GPR19: variants seen among roughly 807,000 people sequenced by gnomAD.
GPR19 encodes the protein probable G protein-coupled receptor 19.
GPR19 carries 14 observed loss-of-function variants against 28.5 expected under a neutral mutation model. That is an observed-to-expected ratio of 0.49 (90% CI 0.32 to 0.77). GPR19 has a LOEUF of 0.77. Among genes scored for constraint, GPR19 ranks in the 30% least tolerant of loss-of-function variants. The pLI, the probability that GPR19 is intolerant of heterozygous loss-of-function variation, is 0.03. For missense variants in GPR19, 409 were observed against 504.1 expected (o/e 0.81, Z 1.81); for synonymous variants, 173 against 184.1 (o/e 0.94, Z 0.49).
chr12:12,664,919 C>CAAAAAAAAAAAAAAA (rs746346681), intron 3 of GPR19, among the ~76,000 whole-genome samples: 8 of 31,110 alleles, frequency 2.6e-4, no homozygotes, highest in African/African-American at 7.5e-4. Flanking sequence ...GACGCCATCT[C>CAAAAAAAAAAAAAAA]AAAAAAAAAA....
chr12:12,669,893 G>A (rs1945833358), intron 3 of GPR19, among the ~76,000 whole-genome samples: 2 of 152,168 alleles, frequency 1.3e-5, no homozygotes, highest in Admixed American at 1.3e-4. Context: ...TCTGGTGTAT[G>A]TGTGCTTGTG....
intron 3 of GPR19, among the ~76,000 whole-genome samples, chr12:12,681,494 C>T (rs568756871): frequency 5.9e-5 from 9 of 152,314 alleles, no homozygotes; most frequent in Admixed American, 2.6e-4. Flanking sequence ...GAGTAGGTTG[C>T]CCCCTTTTAG....
intron 3 of GPR19, among the ~76,000 whole-genome samples, chr12:12,664,803 C>A (rs1163965429): frequency 4.0e-5 from 6 of 151,624 alleles, no homozygotes; most frequent in Non-Finnish European, 2.9e-5. Flanking sequence ...GCCTGTGGTC[C>A]CAGCTACTCG....
chr12:12,683,198 C>A (rs1234539986), intron 3 of GPR19, among the ~76,000 whole-genome samples: 1 of 152,116 alleles, frequency 6.6e-6, no homozygotes, highest in Non-Finnish European at 1.5e-5. Flanking sequence ...CTACAGAGAT[C>A]TATACAGCAC....
chr12:12,703,540 G>C, the GPR19 span: 39,726 of 347,526 alleles, frequency 0.11, 2,718 homozygotes, highest in Admixed American at 0.23. Context: ...AGCACATAGT[G>C]ATTCTGCTGG....
At chr12:12,698,754 G>A (rs547713140), upstream of GPR19, among the ~76,000 whole-genome samples, 7 of 152,110 alleles carry the variant, frequency 4.6e-5, no homozygotes, top group South Asian at 1.5e-3. Flanking sequence ...GGGATTACAG[G>A]TGCGTGCCAC....
chr12:12,717,038 G>T, the GPR19 span: 821,304 of 1,004,202 alleles, frequency 0.82, 338,726 homozygotes, highest in East Asian at 0.94. Context: ...TAGGCGCCGC[G>T]GCGAACCCGC....
intron 2 of GPR19, chr12:12,685,114 T>C (rs1442834693): frequency 6.6e-6 from 1 of 152,212 alleles, no homozygotes; most frequent in African/African-American, 2.4e-5. Context: ...AACCACACCA[T>C]ATGTTTAGGG....
chr12:12,661,094 A>C lies in GPR19; in HGVS notation c.*107T>G. 1.3e-6 allele frequency: 1 copy of C among 774,868 alleles called. No homozygotes were observed. The highest frequency in any genetic ancestry group is 2.0e-6 in the Non-Finnish European group (1 of 503,280). 48.0% of individuals were successfully genotyped at this position (774,868 alleles called of 1,614,324 possible). A position where few individuals can be genotyped will look rare whatever the true frequency, so the allele number is the denominator to read the frequency against. ...ACAAATGAATGCATTTTACAAAATA[A>C]AACATTTCCCTTGGAAAGTTGAGTG... On this transcript the variant is annotated 3_prime_UTR_variant, in exon 4 of 4. Coordinates refer to ENST00000651487, the MANE Select transcript of GPR19 (RefSeq NM_006143.3). This position sits in a 1 kb window ranked among gnomAD's most constrained non-coding sequence, Gnocchi z 4.2.
chr12:12,687,503 G>T (rs533050170), intron 2 of GPR19, among the ~76,000 whole-genome samples: 1 of 152,166 alleles, frequency 6.6e-6, no homozygotes, highest in African/African-American at 2.4e-5. Flanking sequence ...TGGTGCAGTC[G>T]AGATGTCATG....
chr12:12,708,482 A>G, the GPR19 span, among the ~76,000 whole-genome samples: 2 of 152,138 alleles, frequency 1.3e-5, no homozygotes, highest in East Asian at 1.9e-4. Context: ...TGTTTTGTGA[A>G]TAGTGCATTC....
upstream of GPR19, among the ~76,000 whole-genome samples, chr12:12,700,918 TC>T (rs1946319351): frequency 6.6e-6 from 1 of 152,230 alleles, no homozygotes. Flanking sequence ...AAAATGTGGC[TC>T]CCAGAAAACC....
chr12:12,702,259 A>G, the GPR19 span, among the ~76,000 whole-genome samples: 2 of 151,420 alleles, frequency 1.3e-5, no homozygotes, highest in African/African-American at 4.8e-5. Flanking sequence ...AGAATAGAAT[A>G]GAATAAATAA....
At chr12:12,685,987 A>T (rs1946092428) in intron 2 of GPR19, among the ~76,000 whole-genome samples, 1 of 152,210 alleles carries the variant, frequency 6.6e-6, no homozygotes, top group African/African-American at 2.4e-5. Context: ...ACAATTTTTT[A>T]AATGTGAGTT....
At chr12:12,716,811 A>AC in the GPR19 span, 1 of 985,074 alleles carries the variant, frequency 1.0e-6, no homozygotes, top group Non-Finnish European at 1.2e-6. Flanking sequence ...CACTGCCTCC[A>AC]CCAGCCCCCA....
At chr12:12,705,113 A>ATT in the GPR19 span, among the ~76,000 whole-genome samples, 1 of 84,440 alleles carries the variant, frequency 1.2e-5, no homozygotes. Context: ...ATAGAAATGC[A>ATT]TCTTTTTTTT....
the GPR19 span, among the ~76,000 whole-genome samples, chr12:12,703,647 T>C: frequency 6.6e-6 from 1 of 151,412 alleles, no homozygotes; most frequent in East Asian, 1.9e-4. Context: ...GCTTAGCTAA[T>C]AACCATTTTC....
intron 3 of GPR19, among the ~76,000 whole-genome samples, chr12:12,666,634 G>C (rs2136320222): frequency 6.6e-6 from 1 of 152,236 alleles, no homozygotes; most frequent in African/African-American, 2.4e-5. Context: ...AGGGAGATGG[G>C]GATGTTATTC....
chr12:12,668,159 C>T (rs1945808340), intron 3 of GPR19, among the ~76,000 whole-genome samples: 1 of 151,996 alleles, frequency 6.6e-6, no homozygotes. Flanking sequence ...GACTTACTGC[C>T]CTCTAGGACA....
Sources: allele counts gnomAD v4.1 joint callset (sites outside exome capture counted in the v4.1 genomes callset), GRCh38; gene constraint gnomAD v4.1.1; non-coding constraint Gnocchi (gnomAD v3.1); transcripts MANE v1.5; gene names NCBI Gene and HGNC (gene_info 2026-07-23, HGNC 2026-07-21).